Variants in B3GALT1 observed in about 807,000 individuals in gnomAD.
The protein encoded by B3GALT1 is UDP-Gal:betaGlcNAc beta 1,3-galactosyltransferase, polypeptide 1.
Under a neutral mutation model 23.2 loss-of-function variants are expected in B3GALT1, and 10 were observed. That is an observed-to-expected ratio of 0.43 (90% CI 0.27 to 0.73). The LOEUF (loss-of-function observed/expected upper bound fraction) is 0.73, where lower values mean the gene tolerates loss of function less well. B3GALT1 is among the 30% of genes least tolerant of loss of function. The pLI is 0.21. For missense variants in B3GALT1, 299 were observed against 405.4 expected, an observed-to-expected ratio of 0.74 and a Z score of 2.25; for synonymous variants, 156 against 141.5, an observed-to-expected ratio of 1.10 and a Z score of -0.73.
chr2:167,334,629 A>G (rs1022082010), intron 1 of B3GALT1, among the ~76,000 whole-genome samples: 1 of 152,202 alleles, frequency 6.6e-6, no homozygotes, highest in African/African-American at 2.4e-5. Flanking sequence ...ACAATCCTTA[A>G]ATGAAAGATG....
In B3GALT1 at chr2:167,470,897, T is replaced by G. The variant is rs373183258; in HGVS notation, c.-510-19280T>G. ...CTTGATCAATTTCATATAGCTATTA[T>G]AGGGGCACATTCAGAGCTGCTGCTC... On this transcript the variant is annotated intron_variant, in intron 1 of 4. Coordinates refer to ENST00000392690, the MANE Select transcript of B3GALT1 (RefSeq NM_020981.4). 1.1e-4 allele frequency among the ~76,000 whole-genome samples: 17 copies of G among 152,326 alleles called. No homozygotes were observed. The East Asian group carries it at 2.1e-3, about 19-fold the overall frequency.
intron 1 of B3GALT1, among the ~76,000 whole-genome samples, chr2:167,301,451 GACTTT>G (rs1446651607): frequency 2.0e-5 from 3 of 152,152 alleles, no homozygotes; most frequent in Non-Finnish European, 2.9e-5. Context: ...TAGAAAGTGT[GACTTT>G]ACTAGCTTTG....
chr2:167,715,964 C>A, intron 3 of B3GALT1: 1 of 1,612,852 alleles, frequency 6.2e-7, no homozygotes, highest in Non-Finnish European at 8.5e-7. Context: ...CATAAGGATT[C>A]GAATCTTGTC....
chr2:167,833,933 C>G (rs141108575), intron 4 of B3GALT1, among the ~76,000 whole-genome samples: 1 of 151,970 alleles, frequency 6.6e-6, no homozygotes, highest in African/African-American at 2.4e-5. Flanking sequence ...CTACTTCCAA[C>G]GCTGAAATTT....
At chr2:167,465,439 C>G (rs1000740000) in intron 1 of B3GALT1, among the ~76,000 whole-genome samples, 1 of 152,178 alleles carries the variant, frequency 6.6e-6, no homozygotes, top group Non-Finnish European at 1.5e-5. Flanking sequence ...AAGTCTCCAG[C>G]AGATTCAGTG....
chr2:167,403,773 T>G (rs1362842450), intron 1 of B3GALT1, among the ~76,000 whole-genome samples: 1 of 151,948 alleles, frequency 6.6e-6, no homozygotes, highest in Non-Finnish European at 1.5e-5. Flanking sequence ...GAAATAAGGT[T>G]GGTGAGGAAT....
chr2:167,740,910 G>A (rs1467418968), intron 3 of B3GALT1, among the ~76,000 whole-genome samples: 3 of 152,150 alleles, frequency 2.0e-5, no homozygotes, highest in African/African-American at 7.2e-5. Context: ...ACTTCAGCTG[G>A]TAAATAAGCC....
At chr2:167,581,931 T>C (rs1405696602) in intron 2 of B3GALT1, among the ~76,000 whole-genome samples, 1 of 152,234 alleles carries the variant, frequency 6.6e-6, no homozygotes, top group Admixed American at 6.5e-5. Context: ...TCTAACTGAA[T>C]GTGCCCTGTC....
chr2:167,350,391 T>C (rs1047185979), intron 1 of B3GALT1, among the ~76,000 whole-genome samples: 1 of 152,204 alleles, frequency 6.6e-6, no homozygotes, highest in African/African-American at 2.4e-5. Flanking sequence ...TACAATTGAT[T>C]ATAATGCTTG....
intron 2 of B3GALT1, among the ~76,000 whole-genome samples, chr2:167,546,774 C>T (rs181031613): frequency 6.6e-6 from 1 of 152,296 alleles, no homozygotes; most frequent in Admixed American, 6.5e-5. Flanking sequence ...TGAACTTTGT[C>T]TCTCACTCAT....
intron 1 of B3GALT1, among the ~76,000 whole-genome samples, chr2:167,423,045 A>C (rs1361492956): frequency 6.6e-6 from 1 of 152,182 alleles, no homozygotes; most frequent in African/African-American, 2.4e-5. Context: ...AAGTTTCTCA[A>C]AGGAGAAAAA....
At chr2:167,443,609 A>G (rs1045798741) in intron 1 of B3GALT1, among the ~76,000 whole-genome samples, 1 of 152,070 alleles carries the variant, frequency 6.6e-6, no homozygotes, top group Admixed American at 6.6e-5. Context: ...TTGGATTCCT[A>G]GGTATTTTAT....
chr2:167,590,079 A>G (rs990716857), intron 2 of B3GALT1, among the ~76,000 whole-genome samples: 1 of 152,006 alleles, frequency 6.6e-6, no homozygotes, highest in Non-Finnish European at 1.5e-5. Flanking sequence ...AGGCGCGGTG[A>G]CTCACGCCTG....
At chr2:167,746,809 T>C (rs1466237017) in intron 3 of B3GALT1, among the ~76,000 whole-genome samples, 1 of 152,244 alleles carries the variant, frequency 6.6e-6, no homozygotes, top group African/African-American at 2.4e-5. Flanking sequence ...CTTTGCAGTC[T>C]GCCTTTCCCA....
intron 3 of B3GALT1, among the ~76,000 whole-genome samples, chr2:167,740,089 A>T (rs989853071): frequency 6.7e-6 from 1 of 149,806 alleles, no homozygotes; most frequent in African/African-American, 2.5e-5. Context: ...ACAGAGTGGG[A>T]CTCTGTCTCT....
At chr2:167,382,473 CCCTT>C (rs1301123655) in intron 1 of B3GALT1, among the ~76,000 whole-genome samples, 1 of 152,112 alleles carries the variant, frequency 6.6e-6, no homozygotes, top group Non-Finnish European at 1.5e-5. Context: ...CTCTCTCCCT[CCCTT>C]CCTCCTTTTC....
At chr2:167,526,922 C>T (rs1432975945) in intron 2 of B3GALT1, among the ~76,000 whole-genome samples, 7 of 151,956 alleles carry the variant, frequency 4.6e-5, no homozygotes, top group South Asian at 2.1e-4. Context: ...TCTATGACTA[C>T]GTATTTGAAT....
chr2:167,541,359 C>T (rs1030411484), intron 2 of B3GALT1, among the ~76,000 whole-genome samples: 3 of 152,084 alleles, frequency 2.0e-5, no homozygotes, highest in African/African-American at 7.2e-5. Context: ...ATATAAATGA[C>T]ATCAGATGAG....
chr2:167,541,763 A>T (rs1683537268), intron 2 of B3GALT1, among the ~76,000 whole-genome samples: 1 of 152,128 alleles, frequency 6.6e-6, no homozygotes, highest in African/African-American at 2.4e-5. Context: ...AACAGTGGCC[A>T]CATAAGGATA....
Sources: gnomAD v4.1 joint callset for allele counts (sites outside exome capture counted in the v4.1 genomes callset) on GRCh38, gnomAD v4.1.1 for gene constraint, MANE v1.5 for transcripts, NCBI Gene and HGNC (gene_info 2026-07-23, HGNC 2026-07-21) for gene names.